MICAL3: variants seen among roughly 807,000 people sequenced by gnomAD.
MICAL3 encodes the protein microtubule associated monooxygenase, calponin and LIM domain containing 3.
MICAL3 carries 62 observed loss-of-function variants against 207.4 expected under a neutral mutation model. The observed-to-expected ratio is 0.30, with a 90% CI of 0.24 to 0.37. The LOEUF (loss-of-function observed/expected upper bound fraction) is 0.37. Among genes scored for constraint, MICAL3 ranks in the 10% least tolerant of loss-of-function variants. The pLI is 1.00. For missense variants in MICAL3, 2,368 were observed against 2,635.6 expected, an observed-to-expected ratio of 0.90 and a Z score of 2.22; for synonymous variants, 1,077 against 1,069.3, an observed-to-expected ratio of 1.01 and a Z score of -0.14.
Position 17,818,543 on chromosome 22 carries a change from T to C in MICAL3, c.4118A>G (p.Gln1373Arg), listed in dbSNP as rs751011868. The C allele has an allele frequency of 1.9e-5, 30 of 1,613,402 alleles. No homozygotes were observed. The highest frequency in any genetic ancestry group is 3.4e-6 in the Non-Finnish European group (4 of 1,179,866). Reference sequence around the variant, plus strand: ...CTTGAGAAGGTGGAGTCCCTCATCCTGGGGGGACTTTTCAACGGAATAGGA... The same window carrying C: ...CTTGAGAAGGTGGAGTCCCTCATCCCGGGGGGACTTTTCAACGGAATAGGA... ...LKSYSVEKSP[Q>R]DEGLHLLKPL... The change falls in exon 26 of 32, where the codon CAG becomes CGG. Residue 1373 changes from glutamine (Q) to arginine (R), a missense_variant. Physicochemically the swap from Gln to Arg is conservative, Grantham distance 43. This residue lies in a region of MICAL3 where 1,770 missense variants were observed against 1,863.2 expected (regional missense o/e 0.95). Coordinates refer to ENST00000441493, the MANE Select transcript of MICAL3 (RefSeq NM_015241.3).
chr22:17,899,123 C>T (rs1931111146), intron 7 of MICAL3, among the ~76,000 whole-genome samples: 1 of 152,198 alleles, frequency 6.6e-6, no homozygotes, highest in Non-Finnish European at 1.5e-5. Flanking sequence ...CTGTCTGAAA[C>T]CTGCTTTGCA....
intron 1 of MICAL3, among the ~76,000 whole-genome samples, chr22:18,002,725 C>A (rs1349244844): frequency 6.6e-6 from 1 of 152,206 alleles, no homozygotes; most frequent in Non-Finnish European, 1.5e-5. Flanking sequence ...TCAGTTTCAT[C>A]ATCTGGTCCA....
chr22:18,022,670 C>G (rs1458831282), intron 1 of MICAL3, among the ~76,000 whole-genome samples: 4 of 152,168 alleles, frequency 2.6e-5, no homozygotes, highest in Non-Finnish European at 5.9e-5. Flanking sequence ...CCCAAGTGAT[C>G]TGCCTACCTC....
chr22:17,802,634 GC>G (rs1198865984), intron 29 of MICAL3, among the ~76,000 whole-genome samples: 1 of 152,188 alleles, frequency 6.6e-6, no homozygotes, highest in Non-Finnish European at 1.5e-5. Flanking sequence ...TGAGAGCCCC[GC>G]CTTGGACGTG....
chr22:17,926,578 A>G (rs1249580042), intron 1 of MICAL3, among the ~76,000 whole-genome samples: 2 of 152,232 alleles, frequency 1.3e-5, no homozygotes, highest in Admixed American at 1.3e-4. Flanking sequence ...CTCAAAATAG[A>G]ACCCCATCTT....
At position 17,788,546 on chromosome 22, in the gene MICAL3, G is replaced by C. The variant is rs908605093; in HGVS notation, c.*2186C>G. ...CGAGGAGAGGTCTGGGAAAGGCCAC[G>C]CAGGCAGTGAAGGTCTTTTCCCACG... is the stretch of plus-strand genomic sequence containing the variant. On this transcript the variant is annotated 3_prime_UTR_variant, in exon 32 of 32. Coordinates refer to ENST00000441493, the MANE Select transcript of MICAL3 (RefSeq NM_015241.3). 6.6e-6 allele frequency: 1 copy of C among 152,282 alleles called. No individual in the cohort carries two copies. The highest frequency in any genetic ancestry group is 1.5e-5 in the Non-Finnish European group (1 of 68,062). 9.4% of individuals were successfully genotyped at this position (152,282 alleles called of 1,614,324 possible).
chr22:17,915,627 C>T (rs561921648), intron 1 of MICAL3, among the ~76,000 whole-genome samples: 1 of 152,242 alleles, frequency 6.6e-6, no homozygotes, highest in Non-Finnish European at 1.5e-5. Context: ...GCCTGCCTGT[C>T]GTCACTGCCA....
At chr22:17,959,318 G>A (rs897008287) in intron 1 of MICAL3, among the ~76,000 whole-genome samples, 2 of 147,050 alleles carry the variant, frequency 1.4e-5, no homozygotes, top group African/African-American at 2.5e-5. Context: ...CCCAGCCATC[G>A]GCCTGGGTTT....
intron 19 of MICAL3, among the ~76,000 whole-genome samples, chr22:17,847,297 CTTCT>C (rs1924733271): frequency 6.6e-6 from 1 of 152,208 alleles, no homozygotes; most frequent in Middle Eastern, 3.2e-3. Context: ...TTTTCCTTTC[CTTCT>C]TTATGAGCTT....
At chr22:17,795,199 G>A (rs1255775604) in intron 29 of MICAL3, among the ~76,000 whole-genome samples, 1 of 152,256 alleles carries the variant, frequency 6.6e-6, no homozygotes, top group Non-Finnish European at 1.5e-5. Context: ...GGCACAGCCG[G>A]CCGAATGCAT....
At chr22:17,858,863 G>A (rs1467843267) in intron 19 of MICAL3, among the ~76,000 whole-genome samples, 1 of 152,230 alleles carries the variant, frequency 6.6e-6, no homozygotes, top group African/African-American at 2.4e-5. Flanking sequence ...TATTACTGGG[G>A]GATGGGCAGG....
At chr22:17,897,063 G>C (rs1930907203) in intron 7 of MICAL3, 82 bp from the exon 8 acceptor site, 2 of 1,443,514 alleles carry the variant, frequency 1.4e-6, no homozygotes, top group Admixed American at 2.2e-5. Flanking sequence ...CAGGGCCACA[G>C]CTTCTTCTTC....
intron 1 of MICAL3, among the ~76,000 whole-genome samples, chr22:17,952,932 C>A (rs1465994017): frequency 6.6e-6 from 1 of 152,164 alleles, no homozygotes; most frequent in Admixed American, 6.6e-5. Flanking sequence ...ATGTAAAATG[C>A]CTTTTACCGC....
At chr22:17,937,493 G>A (rs768034464) in intron 1 of MICAL3, among the ~76,000 whole-genome samples, 35 of 152,068 alleles carry the variant, frequency 2.3e-4, no homozygotes, top group African/African-American at 7.5e-4. Flanking sequence ...GAGAAACGCC[G>A]TCTCTACTAA....
At chr22:17,977,033 G>A (rs939704096) in intron 1 of MICAL3, among the ~76,000 whole-genome samples, 7 of 151,946 alleles carry the variant, frequency 4.6e-5, no homozygotes, top group Non-Finnish European at 8.8e-5. Context: ...ATCTCGATCT[G>A]ACCTTGTGAT....
At chr22:17,968,823 A>G (rs1935273708) in intron 1 of MICAL3, among the ~76,000 whole-genome samples, 1 of 152,144 alleles carries the variant, frequency 6.6e-6, no homozygotes, top group African/African-American at 2.4e-5. Flanking sequence ...GGGGCGACAA[A>G]CTTCAAACAT....
chr22:17,810,488 C>CG (rs1432200598), intron 28 of MICAL3, among the ~76,000 whole-genome samples: 13 of 152,220 alleles, frequency 8.5e-5, no homozygotes, highest in African/African-American at 3.1e-4. Context: ...ATTGAGCCAC[C>CG]ACGCCCAGCC....
chr22:17,864,682 T>G (rs774239737), intron 19 of MICAL3: 9 of 1,609,660 alleles, frequency 5.6e-6, no homozygotes, highest in Non-Finnish European at 7.6e-6. Flanking sequence ...CCAGTGGAAC[T>G]CCCCTCTGAT....
intron 16 of MICAL3, 54 bp downstream of exon 16, chr22:17,885,824 C>T (rs1046823502): frequency 1.1e-5 from 17 of 1,561,320 alleles, no homozygotes; most frequent in Non-Finnish European, 1.3e-5. Flanking sequence ...AAAGATCCCC[C>T]CTTCTTGTGT....
Sources: allele counts gnomAD v4.1 joint callset (sites outside exome capture counted in the v4.1 genomes callset), GRCh38; gene constraint gnomAD v4.1.1; regional missense constraint gnomAD v4.1.1; transcripts MANE v1.5; gene names NCBI Gene and HGNC (gene_info 2026-07-23, HGNC 2026-07-21).